Variants in MARCHF4 observed in about 807,000 individuals in gnomAD.
MARCHF4 encodes membrane associated ring-CH-type finger 4.
In MARCHF4, 14 loss-of-function variants were observed where a neutral mutation model predicts 43.9. That is an observed-to-expected ratio of 0.32 (90% CI 0.21 to 0.50). The LOEUF is 0.50. MARCHF4 is among the 20% of genes least tolerant of loss of function. MARCHF4 has a pLI of 0.98. For synonymous variants in MARCHF4, 226 were observed against 213.3 expected (o/e 1.06, Z -0.52); for missense variants, 468 against 536.7 (o/e 0.87, Z 1.27).
At chr2:216,350,020 A>T (rs911751554) in intron 1 of MARCHF4, among the ~76,000 whole-genome samples, 1 of 152,062 alleles carries the variant, frequency 6.6e-6, no homozygotes, top group Non-Finnish European at 1.5e-5. Flanking sequence ...TCTGACACTC[A>T]TCAAGTGGAT....
At chr2:216,348,509 T>C (rs1443031646) in intron 1 of MARCHF4, among the ~76,000 whole-genome samples, 1 of 152,106 alleles carries the variant, frequency 6.6e-6, no homozygotes, top group Non-Finnish European at 1.5e-5. Flanking sequence ...CTCCTACCAG[T>C]GCCATGACAG....
At chr2:216,310,124 C>A (rs1421847798) in intron 1 of MARCHF4, among the ~76,000 whole-genome samples, 1 of 152,176 alleles carries the variant, frequency 6.6e-6, no homozygotes, top group Non-Finnish European at 1.5e-5. Context: ...CTACCCAGTG[C>A]AATCACTCAA....
chr2:216,261,725 TG>T (rs1690746432), intron 3 of MARCHF4, among the ~76,000 whole-genome samples: 2 of 152,210 alleles, frequency 1.3e-5, no homozygotes, highest in South Asian at 4.1e-4. Flanking sequence ...AAGCCATCAT[TG>T]TAGAGGTAGA....
chr2:216,260,971 G>T (rs1043603692), intron 3 of MARCHF4, among the ~76,000 whole-genome samples: 3 of 152,206 alleles, frequency 2.0e-5, no homozygotes, highest in African/African-American at 7.2e-5. Context: ...CTGACTCGCA[G>T]GGTGGGAGTG....
intron 1 of MARCHF4, among the ~76,000 whole-genome samples, chr2:216,354,916 T>TTCC (rs1692464902): frequency 9.6e-6 from 1 of 103,968 alleles, no homozygotes; most frequent in Non-Finnish European, 1.9e-5. Flanking sequence ...TCTTTCTTTC[T>TTCC]TTCTTTCTTT....
chr2:216,266,902 G>A (rs944731628), intron 3 of MARCHF4, among the ~76,000 whole-genome samples: 2 of 152,166 alleles, frequency 1.3e-5, no homozygotes, highest in Admixed American at 1.3e-4. Flanking sequence ...CAGGCTACAC[G>A]TCACATGAGC....
intron 1 of MARCHF4, among the ~76,000 whole-genome samples, chr2:216,360,204 G>T (rs890446054): frequency 6.6e-6 from 1 of 152,208 alleles, no homozygotes; most frequent in African/African-American, 2.4e-5. Flanking sequence ...TTGTAGCCAG[G>T]TCAGAATAAC....
intron 1 of MARCHF4, among the ~76,000 whole-genome samples, chr2:216,328,302 T>C (rs1380095188): frequency 1.3e-5 from 2 of 152,340 alleles, no homozygotes; most frequent in East Asian, 3.9e-4. Context: ...CCCAAGTAGC[T>C]GAGATTACAA....
chr2:216,284,464 T>C (rs1437143861), intron 1 of MARCHF4, among the ~76,000 whole-genome samples: 1 of 151,976 alleles, frequency 6.6e-6, no homozygotes, highest in African/African-American at 2.4e-5. Context: ...ACCTGTGTTT[T>C]TTGTTTGTTT....
intron 1 of MARCHF4, among the ~76,000 whole-genome samples, chr2:216,300,358 A>ATGTATATACG (rs1553516808): frequency 7.0e-6 from 1 of 143,328 alleles, no homozygotes; most frequent in African/African-American, 2.8e-5. Flanking sequence ...ATGTATATAT[A>ATGTATATACG]TATATATATA....
chr2:216,316,078 A>G (rs192287871), intron 1 of MARCHF4, among the ~76,000 whole-genome samples: 12 of 152,344 alleles, frequency 7.9e-5, no homozygotes, highest in Admixed American at 2.0e-4. Flanking sequence ...CTCTTTTCCC[A>G]GGGAAACAAA....
intron 3 of MARCHF4, among the ~76,000 whole-genome samples, chr2:216,264,633 G>A (rs1164377944): frequency 6.6e-6 from 1 of 152,140 alleles, no homozygotes. Flanking sequence ...GGAAGAGATG[G>A]GGTGTGGAGA....
chr2:216,283,583 AT>A lies in MARCHF4; in HGVS notation c.662del (p.Asn221IlefsTer10), dbSNP rs1691167282. ...KYHVIAISTK[N>X]PLQWQAISLT... ...CAGCCCTGGGTTGTACCTGCAGAGG[AT>A]TTTTTGTGCTTATGGCGATGACGTG... On this transcript the variant is annotated frameshift_variant, in exon 2 of 4. Transcript: ENST00000273067. LOFTEE classifies it high-confidence loss of function. The A allele has an allele frequency of 6.2e-7, 1 of 1,602,724 alleles. No homozygotes were observed. Among genetic ancestry groups the A allele is most frequent in the Non-Finnish European group, 8.5e-7 (1 of 1,170,766 alleles).
intron 1 of MARCHF4, among the ~76,000 whole-genome samples, chr2:216,352,133 G>T (rs1036902767): frequency 3.3e-5 from 5 of 152,186 alleles, no homozygotes; most frequent in Non-Finnish European, 7.3e-5. Flanking sequence ...CACATTGGAG[G>T]GACCTTGGCA....
chr2:216,349,618 G>C (rs1692367690), intron 1 of MARCHF4, among the ~76,000 whole-genome samples: 1 of 152,208 alleles, frequency 6.6e-6, no homozygotes, highest in African/African-American at 2.4e-5. Context: ...AGGGCTTGGA[G>C]GAGGCTGGGC....
chr2:216,265,275 T>C (rs947223319), intron 3 of MARCHF4, among the ~76,000 whole-genome samples: 5 of 152,208 alleles, frequency 3.3e-5, no homozygotes, highest in African/African-American at 1.2e-4. Context: ...GGTGTTCTAG[T>C]GGTCACCTAC....
intron 3 of MARCHF4, among the ~76,000 whole-genome samples, chr2:216,261,489 T>G (rs912475815): frequency 7.2e-5 from 11 of 152,230 alleles, no homozygotes; most frequent in Non-Finnish European, 1.3e-4. Context: ...TTCCTTAAAT[T>G]AATCACATTG....
intron 1 of MARCHF4, 152 bp from the exon 2 acceptor site, chr2:216,283,881 T>A: frequency 2.5e-6 from 2 of 805,578 alleles, no homozygotes; most frequent in Non-Finnish European, 3.8e-6. Flanking sequence ...GGAGGAGGCC[T>A]GGGCTCCTGC....
intron 3 of MARCHF4, among the ~76,000 whole-genome samples, chr2:216,266,783 G>A (rs1334864870): frequency 3.9e-5 from 6 of 152,158 alleles, no homozygotes; most frequent in Non-Finnish European, 5.9e-5. Context: ...AATATAACCG[G>A]CTATTTTGGG....
Sources: gnomAD v4.1 joint callset for allele counts (sites outside exome capture counted in the v4.1 genomes callset) on GRCh38, gnomAD v4.1.1 for gene constraint, MANE v1.5 for transcripts, NCBI Gene and HGNC (gene_info 2026-07-23, HGNC 2026-07-21) for gene names.